CRTC3: variants seen among roughly 807,000 people sequenced by gnomAD.
CRTC3 encodes CREB-regulated transcription coactivator 3.
Under a neutral mutation model 74.5 loss-of-function variants are expected in CRTC3, and 26 were observed. The observed-to-expected ratio is 0.35, with a 90% CI of 0.26 to 0.48. The LOEUF (loss-of-function observed/expected upper bound fraction) is 0.48, where lower values mean the gene tolerates loss of function less well. CRTC3 is among the 20% of genes least tolerant of loss of function. The pLI is 0.99. For synonymous variants in CRTC3, 377 were observed against 325.8 expected, an observed-to-expected ratio of 1.16 and a Z score of -1.69; for missense variants, 760 against 787.3, an observed-to-expected ratio of 0.97 and a Z score of 0.41.
At chr15:90,581,307 T>C (rs921008835) in intron 2 of CRTC3, among the ~76,000 whole-genome samples, 3 of 152,216 alleles carry the variant, frequency 2.0e-5, no homozygotes, top group Non-Finnish European at 2.9e-5. Flanking sequence ...AAACAGGATG[T>C]AAGTTTTTTT....
rs71154114 is a variant in CRTC3, at chr15:90,566,712, C to CT, written c.231+26591dup. On this transcript the variant is annotated intron_variant, in intron 2 of 14. Transcript: ENST00000268184. ...AGCCACAGATTTTCTTTCCTCCTTT[C>CT]TTTTTTTTTTTTTTTTGAGACAGAG... is the stretch of plus-strand genomic sequence containing the variant. Among the ~76,000 whole-genome samples, 1,238 of 126,280 alleles carry CT rather than the reference C, an allele frequency of 9.8e-3. 23 individuals carry two copies. The highest frequency in any genetic ancestry group is 0.032 in the African/African-American group (1,119 of 35,424). The allele number at this position is 126,280 out of a possible 152,430, so 82.8% of individuals were successfully genotyped here.
chr15:90,583,818 A>G (rs940181561), intron 2 of CRTC3, among the ~76,000 whole-genome samples: 1 of 151,636 alleles, frequency 6.6e-6, no homozygotes, highest in Non-Finnish European at 1.5e-5. Flanking sequence ...TTTGTTATAC[A>G]TTTTGAACTT....
At position 90,603,391 on chromosome 15, in the gene CRTC3, C is replaced by T. The variant is rs140760116; in HGVS notation, c.414-994C>T. On this transcript the variant is annotated intron_variant, in intron 4 of 14. Coordinates refer to ENST00000268184, the MANE Select transcript of CRTC3 (RefSeq NM_022769.5). ...CCAGGAGGCGGAGCTTGCAGTGAGC[C>T]GAGATCACGCCACTGCACTCCAGCC... Among the ~76,000 whole-genome samples, 566 of 150,710 alleles carry T rather than the reference C, an allele frequency of 3.8e-3. 6 individuals carry two copies. The highest frequency in any genetic ancestry group is 0.013 in the African/African-American group (548 of 41,040).
chr15:90,590,795 CAG>C (rs1967781835), intron 2 of CRTC3, among the ~76,000 whole-genome samples: 2 of 152,110 alleles, frequency 1.3e-5, no homozygotes, highest in Non-Finnish European at 1.5e-5. Context: ...ACTGCAGGGG[CAG>C]AGAGTTGAGA....
At position 90,578,922 on chromosome 15, in the gene CRTC3, T is replaced by TAAG. The variant is rs1485261926; in HGVS notation, c.232-14714_232-14713insAAG. Among the ~76,000 whole-genome samples the TAAG allele has an allele frequency of 6.1e-4, 93 of 152,310 alleles. 2 individuals are homozygous for TAAG. In the East Asian group the frequency reaches 0.015, roughly 24 times the overall value. ...AATGATTCTAAGCATCTGTAATCTGTCTGTTCTGTGTCTAAGAAGCTAAAT... is the reference window on the plus strand; with the variant it reads ...AATGATTCTAAGCATCTGTAATCTGTAAGCTGTTCTGTGTCTAAGAAGCTAAAT... On this transcript the variant is annotated intron_variant, in intron 2 of 14. Transcript: ENST00000268184.
chr15:90,635,149 T>C (rs1596148468), intron 11 of CRTC3: 1 of 575,194 alleles, frequency 1.7e-6, no homozygotes, highest in East Asian at 3.0e-5. Context: ...TGATAACTAA[T>C]GACATCCAGT....
In CRTC3 at chr15:90,642,010, C is replaced by G; in HGVS notation, c.1730C>G (p.Thr577Ser). 1 of 1,613,948 alleles carries G rather than the reference C, an allele frequency of 6.2e-7. No homozygotes were observed. Among genetic ancestry groups the G allele is most frequent in the Non-Finnish European group, 8.5e-7 (1 of 1,180,010 alleles). ...CCTGAGGTCAGCCTGAACGTGGACA[C>G]TCCATTTCCACTGGAAGAGGAGCTG... is the stretch of plus-strand genomic sequence containing the variant. ...GLPEVSLNVD[T>S]PFPLEEELQI... is the part of the protein sequence containing the mutation. The change falls in exon 15 of 15, where the codon ACT becomes AGT. Residue 577 changes from threonine to serine, a missense_variant. Transcript: ENST00000268184.
chr15:90,626,686 G>C (rs545681693), intron 10 of CRTC3, among the ~76,000 whole-genome samples: 11 of 149,022 alleles, frequency 7.4e-5, no homozygotes, highest in Admixed American at 5.4e-4. Flanking sequence ...ATCTCAGCTC[G>C]CTGCAACCTC....
At chr15:90,558,228 C>G (rs1966935335) in intron 2 of CRTC3, among the ~76,000 whole-genome samples, 2 of 152,074 alleles carry the variant, frequency 1.3e-5, no homozygotes, top group Non-Finnish European at 2.9e-5. Context: ...CCTGGTCGGA[C>G]CCGTTATCAT....
chr15:90,580,681 G>A (rs929604416), intron 2 of CRTC3, among the ~76,000 whole-genome samples: 6 of 152,092 alleles, frequency 3.9e-5, no homozygotes, highest in African/African-American at 1.4e-4. Flanking sequence ...ACCCGTCTCA[G>A]CCTCCCAAAG....
intron 2 of CRTC3, among the ~76,000 whole-genome samples, chr15:90,581,317 T>TA (rs1967535835): frequency 6.6e-6 from 1 of 152,230 alleles, no homozygotes; most frequent in South Asian, 2.1e-4. Context: ...TAAGTTTTTT[T>TA]AAAAATTCAA....
At chr15:90,589,236 TA>T (rs1393826507) in intron 2 of CRTC3, among the ~76,000 whole-genome samples, 1 of 152,118 alleles carries the variant, frequency 6.6e-6, no homozygotes, top group Non-Finnish European at 1.5e-5. Context: ...TTTCTATTTT[TA>T]GTAGAGATGG....
At chr15:90,591,277 G>A (rs1312431406) in intron 2 of CRTC3, among the ~76,000 whole-genome samples, 1 of 151,758 alleles carries the variant, frequency 6.6e-6, no homozygotes, top group African/African-American at 2.4e-5. Context: ...TTGTTTGTTT[G>A]TAGAGCTAAT....
At chr15:90,575,310 C>T (rs1486669787) in intron 2 of CRTC3, among the ~76,000 whole-genome samples, 2 of 152,188 alleles carry the variant, frequency 1.3e-5, no homozygotes, top group Non-Finnish European at 2.9e-5. Flanking sequence ...AAGATTGTGC[C>T]ATTGCACTCT....
At chr15:90,635,162 C>G in intron 11 of CRTC3, 1 of 556,656 alleles carries the variant, frequency 1.8e-6, no homozygotes, top group South Asian at 2.0e-5. Context: ...CATCCAGTGT[C>G]TCCAAAATTG....
At chr15:90,578,818 A>C (rs1381594206) in intron 2 of CRTC3, among the ~76,000 whole-genome samples, 1 of 152,170 alleles carries the variant, frequency 6.6e-6, no homozygotes, top group Non-Finnish European at 1.5e-5. Context: ...TATATTACTT[A>C]TTTAAATAAC....
At chr15:90,585,863 G>T (rs1384415720) in intron 2 of CRTC3, among the ~76,000 whole-genome samples, 1 of 152,116 alleles carries the variant, frequency 6.6e-6, no homozygotes, top group Non-Finnish European at 1.5e-5. Context: ...GAACTGGAGG[G>T]GTTCCTTTCT....
At chr15:90,626,431 A>G in intron 10 of CRTC3, among the ~76,000 whole-genome samples, 1 of 152,270 alleles carries the variant, frequency 6.6e-6, no homozygotes. Context: ...TATGATGAAA[A>G]TATTTATACT....
intron 3 of CRTC3, among the ~76,000 whole-genome samples, chr15:90,602,009 A>G (rs1404487204): frequency 3.9e-5 from 6 of 152,184 alleles, no homozygotes; most frequent in Admixed American, 3.9e-4. Context: ...TGGGTCCCTC[A>G]CATGTGGCAC....
Sources: gnomAD v4.1 joint callset for allele counts (sites outside exome capture counted in the v4.1 genomes callset) on GRCh38, gnomAD v4.1.1 for gene constraint, MANE v1.5 for transcripts, NCBI Gene and HGNC (gene_info 2026-07-23, HGNC 2026-07-21) for gene names.